The following CLNK variants were observed in gnomAD, a reference collection of about 807,000 sequenced individuals.
The protein encoded by CLNK is cytokine-dependent hematopoietic cell linker.
Under a neutral mutation model 68.6 loss-of-function variants are expected in CLNK, and 74 were observed. The ratio of observed to expected loss-of-function variants is 1.08; its 90% CI spans 0.89 to 1.31. The LOEUF (loss-of-function observed/expected upper bound fraction) is 1.31, where lower values mean the gene tolerates loss of function less well. CLNK is among the 50% of genes most tolerant of loss of function. The probability of loss-of-function intolerance (pLI) is 0.00; values close to 1 mark genes in which losing one functional copy is unlikely to be tolerated. For synonymous variants in CLNK, 198 were observed against 172.2 expected (o/e 1.15, Z -1.17); for missense variants, 553 against 515.3 (o/e 1.07, Z -0.71).
At chr4:10,727,956 C>A in the CLNK span, among the ~76,000 whole-genome samples, 6 of 152,164 alleles carry the variant, frequency 3.9e-5, no homozygotes, top group African/African-American at 1.4e-4. Context: ...ATTCTGCATA[C>A]TGTGCTCAAG....
rs1018380811 is a variant in CLNK at position 10,486,844 on chromosome 4, T to C, written c.*3623A>G. 2 of 152,194 alleles carry C rather than the reference T, an allele frequency of 1.3e-5. No homozygotes were observed. The highest frequency in any genetic ancestry group is 4.8e-5 in the African/African-American group (2 of 41,434). The allele number at this position is 152,194 out of a possible 1,614,324, so 9.4% of individuals were successfully genotyped here. ...TCAGAAATAAGTGTTAAAATAGAAA[T>C]CCAATCCAGTAATGGGAAACTGACT... On this transcript the variant is annotated 3_prime_UTR_variant, in exon 19 of 19. Transcript: ENST00000226951.
chr4:10,590,033 C>T (rs768331079), intron 3 of CLNK, among the ~76,000 whole-genome samples: 1 of 152,140 alleles, frequency 6.6e-6, no homozygotes, highest in Non-Finnish European at 1.5e-5. Context: ...CACATTTGGG[C>T]CTAAAGAAAG....
the CLNK span, among the ~76,000 whole-genome samples, chr4:10,726,920 G>T: frequency 6.6e-6 from 1 of 152,216 alleles, no homozygotes; most frequent in South Asian, 2.1e-4. Context: ...TAACAGACAT[G>T]TATGTGTAAT....
the CLNK span, among the ~76,000 whole-genome samples, chr4:10,733,167 G>C: frequency 6.6e-6 from 1 of 152,150 alleles, no homozygotes; most frequent in East Asian, 1.9e-4. Flanking sequence ...CTCCTCAGCT[G>C]CCTGTCTTGG....
intron 2 of CLNK, among the ~76,000 whole-genome samples, chr4:10,652,971 G>A (rs114981463): frequency 0.02 from 3,004 of 152,208 alleles, 34 homozygotes; most frequent in Non-Finnish European, 0.033. Flanking sequence ...ACTGGATAAC[G>A]AAAATAAGGC....
chr4:10,607,667 C>A (rs1002865833), intron 2 of CLNK, among the ~76,000 whole-genome samples: 1 of 152,140 alleles, frequency 6.6e-6, no homozygotes, highest in African/African-American at 2.4e-5. Context: ...GCAGCTGCAG[C>A]ATTAGGGACC....
chr4:10,642,562 G>A (rs1452217838), intron 2 of CLNK, among the ~76,000 whole-genome samples: 1 of 152,176 alleles, frequency 6.6e-6, no homozygotes, highest in Non-Finnish European at 1.5e-5. Context: ...GCATTAGAAA[G>A]AAAAACCTGG....
At chr4:10,584,879 C>A in intron 4 of CLNK, 48 bp downstream of exon 4, 1 of 1,590,194 alleles carries the variant, frequency 6.3e-7, no homozygotes, top group Non-Finnish European at 8.6e-7. Flanking sequence ...GCCCAACAGA[C>A]CCATGCTGAC....
intron 1 of CLNK, among the ~76,000 whole-genome samples, chr4:10,669,765 C>G (rs906859106): frequency 9.2e-5 from 14 of 152,158 alleles, no homozygotes; most frequent in Admixed American, 8.5e-4. Flanking sequence ...AGCCTCATCC[C>G]CTCGTCTTAT....
the CLNK span, among the ~76,000 whole-genome samples, chr4:10,694,655 C>A: frequency 6.6e-6 from 1 of 152,080 alleles, no homozygotes; most frequent in African/African-American, 2.4e-5. Flanking sequence ...ACAATGTTTG[C>A]ACAACTATGA....
rs557532940 is a variant in CLNK at position 10,608,750 on chromosome 4, G to A, written c.12-10701C>T. Among the ~76,000 whole-genome samples the A allele has an allele frequency of 1.1e-4, 16 of 152,322 alleles. No individual in the cohort carries two copies. In the South Asian group the frequency reaches 2.9e-3, roughly 28 times the overall value. ...GGGGATTGCATTAGGCCTTGTCTGA[G>A]TCAGTTCGGGCTGCTATAACAAATT... On this transcript the variant is annotated intron_variant, in intron 2 of 18. Transcript: ENST00000226951.
intron 5 of CLNK, among the ~76,000 whole-genome samples, chr4:10,567,298 T>C (rs376606962): frequency 1.1e-4 from 17 of 152,306 alleles, no homozygotes; most frequent in African/African-American, 3.6e-4. Flanking sequence ...TGAGGGTTAA[T>C]TGATTTTTAA....
At chr4:10,610,082 A>C (rs1364011094) in intron 2 of CLNK, among the ~76,000 whole-genome samples, 1 of 96,978 alleles carries the variant, frequency 1.0e-5, no homozygotes, top group Non-Finnish European at 1.8e-5. Context: ...TTTGAGACGG[A>C]GTCTCGTTCT....
the CLNK span, among the ~76,000 whole-genome samples, chr4:10,696,892 G>T: frequency 3.9e-5 from 6 of 152,210 alleles, no homozygotes; most frequent in Admixed American, 3.3e-4. Flanking sequence ...TAAAAATGCA[G>T]ATTCCAGGGC....
intron 11 of CLNK, among the ~76,000 whole-genome samples, chr4:10,538,233 G>A (rs1443360056): frequency 2.6e-5 from 4 of 152,090 alleles, no homozygotes; most frequent in Admixed American, 1.3e-4. Context: ...AGGTTAAAGC[G>A]ATTCTCATGT....
chr4:10,538,661 A>C (rs898346032), intron 11 of CLNK, among the ~76,000 whole-genome samples: 5 of 152,232 alleles, frequency 3.3e-5, no homozygotes, highest in Non-Finnish European at 5.9e-5. Context: ...TAGTCTGATT[A>C]GGTTCCTTTG....
intron 17 of CLNK, among the ~76,000 whole-genome samples, chr4:10,507,391 G>A (rs370226690): frequency 2.0e-5 from 3 of 151,878 alleles, no homozygotes; most frequent in South Asian, 2.1e-4. Context: ...GATTACAGGC[G>A]TGAACTGCCG....
intron 2 of CLNK, among the ~76,000 whole-genome samples, chr4:10,632,306 G>A (rs935263189): frequency 6.6e-6 from 1 of 152,094 alleles, no homozygotes; most frequent in Non-Finnish European, 1.5e-5. Flanking sequence ...TCTGACCTCT[G>A]CCATGTCCAC....
At chr4:10,597,876 C>A in intron 3 of CLNK, 102 bp downstream of exon 3, 1 of 787,092 alleles carries the variant, frequency 1.3e-6, no homozygotes, top group South Asian at 1.7e-5. Context: ...CACTACAGGT[C>A]ATTCCATCAC....
Sources: gnomAD v4.1 joint callset for allele counts (sites outside exome capture counted in the v4.1 genomes callset) on GRCh38, gnomAD v4.1.1 for gene constraint, MANE v1.5 for transcripts, NCBI Gene and HGNC (gene_info 2026-07-23, HGNC 2026-07-21) for gene names.